Variants in PCDHGB4 observed in about 807,000 individuals in gnomAD.
PCDHGB4 encodes the protein protocadherin gamma subfamily B, 4.
A neutral mutation model predicts 60.5 loss-of-function variants in PCDHGB4; 38 were observed. The ratio of observed to expected loss-of-function variants is 0.63; its 90% CI spans 0.48 to 0.82. The LOEUF (loss-of-function observed/expected upper bound fraction) is 0.82, where lower values mean the gene tolerates loss of function less well. Ranked by LOEUF, PCDHGB4 falls within the 40% of genes least tolerant of loss-of-function variation. PCDHGB4 has a pLI of 0.00. For missense variants in PCDHGB4, 1,109 were observed against 1,209.6 expected (o/e 0.92, Z 1.23); for synonymous variants, 456 against 509.7 (o/e 0.89, Z 1.42).
chr5:141,469,394 G>A lies in PCDHGB4; in HGVS notation c.2398-25413G>A, dbSNP rs550152670. Among the ~76,000 whole-genome samples the A allele has an allele frequency of 2.5e-4, 38 of 152,198 alleles. 1 individual carries two copies. The highest frequency in any genetic ancestry group is 8.4e-4 in the African/African-American group (35 of 41,514). On this transcript the variant is annotated intron_variant, in intron 1 of 3. Coordinates refer to ENST00000519479, the MANE Select transcript of PCDHGB4 (RefSeq NM_003736.4). ...GATCGAGACCATCCTGGCCAACATG[G>A]TGAAACCCCGTTTCTACTAAAAATA...
rs185704620 is a variant in PCDHGB4, at chr5:141,396,920, C to T, written c.2397+6639C>T. Among the ~76,000 whole-genome samples the T allele has an allele frequency of 3.3e-5, 5 of 152,316 alleles. No individual in the cohort carries two copies. In the East Asian group the frequency reaches 7.7e-4, roughly 23 times the overall value. ...TATTGGCACTTTGCAATTTTAAAAACTCGGATGAAAGTTGCCCTGGTAGGA... is the reference window on the plus strand; with the variant it reads ...TATTGGCACTTTGCAATTTTAAAAATTCGGATGAAAGTTGCCCTGGTAGGA... On this transcript the variant is annotated intron_variant, in intron 1 of 3. Transcript: ENST00000519479.
rs765376157 is a variant in PCDHGB4 at position 141,486,033 on chromosome 5, A to G, written c.2398-8774A>G. 4.3e-6 allele frequency: 7 copies of G among 1,614,148 alleles called. No individual in the cohort carries two copies. The highest frequency in any genetic ancestry group is 5.9e-6 in the Non-Finnish European group (7 of 1,180,014). ...TTTTATTTCAGTGGTCATACCCCTG[A>G]TCGTGTAAGAAACCTCTTTAGCCTG... On this transcript the variant is annotated intron_variant, in intron 1 of 3. Transcript: ENST00000519479. This position sits in a 1 kb window ranked among gnomAD's most constrained non-coding sequence, Gnocchi z 5.0.
In PCDHGB4 at chr5:141,490,462, ACCAG is replaced by A; in HGVS notation, c.2398-4338_2398-4335del. On this transcript the variant is annotated intron_variant, in intron 1 of 3. Coordinates refer to ENST00000519479, the MANE Select transcript of PCDHGB4 (RefSeq NM_003736.4). The surrounding 1 kb of genome is among the most constrained non-coding windows in gnomAD (Gnocchi z 5.4). ...TTCTGAGAACCACTACTCGCTGCTA[ACCAG>A]CCAGCCTTTGGACCGGGAGGCCACA... 1 of 1,614,198 alleles carries A rather than the reference ACCAG, an allele frequency of 6.2e-7. No homozygotes were observed.
Position 141,432,806 on chromosome 5 carries a change from A to G in PCDHGB4, c.2397+42525A>G, listed in dbSNP as rs755248654. 12 of 1,614,070 alleles carry G rather than the reference A, an allele frequency of 7.4e-6. No individual in the cohort carries two copies. Among genetic ancestry groups the G allele is most frequent in the Non-Finnish European group, 9.3e-6 (11 of 1,179,972 alleles). On this transcript the variant is annotated intron_variant, in intron 1 of 3. Transcript: ENST00000519479. This position sits in a 1 kb window ranked among gnomAD's most constrained non-coding sequence, Gnocchi z 6.0. ...CCTCGGCAGCCTCGAGTCTCCAGCT[A>G]ACTCTGAAACCTCAGACCTCACTCT...
chr5:141,451,593 C>A (rs2098719809), intron 1 of PCDHGB4, among the ~76,000 whole-genome samples: 1 of 152,042 alleles, frequency 6.6e-6, no homozygotes, highest in African/African-American at 2.4e-5. Context: ...TTGAAAGTGA[C>A]ATACAAGGCT....
At chr5:141,398,287 C>G in intron 1 of PCDHGB4, 1 of 1,396,196 alleles carries the variant, frequency 7.2e-7, no homozygotes, top group Non-Finnish European at 9.8e-7. Flanking sequence ...CGCCACGGAC[C>G]TGGGGTTCAG....
intron 1 of PCDHGB4, chr5:141,413,170 A>T (rs751830095): frequency 6.3e-7 from 1 of 1,595,602 alleles, no homozygotes; most frequent in South Asian, 1.1e-5. Context: ...CTGTAACCAG[A>T]CTACAATGGC....
At chr5:141,433,641 G>C (rs1177387884) in intron 1 of PCDHGB4, among the ~76,000 whole-genome samples, 1 of 152,104 alleles carries the variant, frequency 6.6e-6, no homozygotes, top group Admixed American at 6.5e-5. Flanking sequence ...TTTGAGACCA[G>C]CCTGACCAAC....
At chr5:141,420,252 C>T (rs745697672) in intron 1 of PCDHGB4, 1 of 1,576,604 alleles carries the variant, frequency 6.3e-7, no homozygotes, top group Non-Finnish European at 8.6e-7. Flanking sequence ...AGCGTTGAAG[C>T]AGATAAGAAG....
At chr5:141,397,195 G>T (rs2093485269) in intron 1 of PCDHGB4, among the ~76,000 whole-genome samples, 1 of 152,150 alleles carries the variant, frequency 6.6e-6, no homozygotes, top group Non-Finnish European at 1.5e-5. Context: ...TACTGTAAAA[G>T]ATATGACATA....
chr5:141,443,183 TTCTC>T (rs2098370937), intron 1 of PCDHGB4, among the ~76,000 whole-genome samples: 1 of 152,184 alleles, frequency 6.6e-6, no homozygotes, highest in Non-Finnish European at 1.5e-5. Context: ...CACTGCATCA[TTCTC>T]TATAGTACAA....
At chr5:141,437,393 G>T (rs1034237295) in intron 1 of PCDHGB4, among the ~76,000 whole-genome samples, 3 of 152,180 alleles carry the variant, frequency 2.0e-5, no homozygotes, top group Admixed American at 6.5e-5. Flanking sequence ...TTCATCCACT[G>T]CTTTCATTCC....
chr5:141,490,482 G>A lies in PCDHGB4; in HGVS notation c.2398-4325G>A. On this transcript the variant is annotated intron_variant, in intron 1 of 3. Coordinates refer to ENST00000519479, the MANE Select transcript of PCDHGB4 (RefSeq NM_003736.4). The surrounding 1 kb of genome is among the most constrained non-coding windows in gnomAD (Gnocchi z 5.4). ...TGCTAACCAGCCAGCCTTTGGACCG[G>A]GAGGCCACATCCCACTATATCATCG... 2.5e-6 allele frequency: 4 copies of A among 1,614,154 alleles called. No homozygotes were observed. In the South Asian group the frequency reaches 4.4e-5, roughly 18 times the overall value.
At chr5:141,409,396 C>A in intron 1 of PCDHGB4, 1 of 1,614,004 alleles carries the variant, frequency 6.2e-7, no homozygotes, top group Non-Finnish European at 8.5e-7. Flanking sequence ...ATTCTTCTTC[C>A]AATAACTACT....
intron 1 of PCDHGB4, chr5:141,400,321 G>T (rs190006023): frequency 1.9e-6 from 3 of 1,614,064 alleles, no homozygotes; most frequent in East Asian, 2.2e-5. Context: ...TGTCAAGTCT[G>T]GACCTGTGGT....
In PCDHGB4 at chr5:141,395,514, C is replaced by T. The variant is rs138744897; in HGVS notation, c.2397+5233C>T. 1.1e-3 allele frequency: 455 copies of T among 421,180 alleles called. 7 individuals carry two copies. The highest frequency in any genetic ancestry group is 8.9e-3 in the African/African-American group (432 of 48,430). The allele number at this position is 421,180 out of a possible 1,614,324, so 26.1% of individuals were successfully genotyped here. ...ACTCATTCACTTAAGAAGTAGCTAC[C>T]CGTCCATACTGGTAATTTTGCTATT... On this transcript the variant is annotated intron_variant, in intron 1 of 3. Transcript: ENST00000519479.
rs757663132 is a variant in PCDHGB4 at position 141,510,991 on chromosome 5, A to G, written c.2590A>G (p.Met864Val). ...CACCCTGGGAGGGGGTGCCGGCACC[A>G]TGGGATTGAGCGCCCGCTACGGACC... is the stretch of plus-strand genomic sequence containing the variant. ...SSTLGGGAGT[M>V]GLSARYGPQF... is the part of the protein sequence containing the mutation. Residue 864 changes from methionine (M) to valine (V), a missense_variant, in exon 4 of 4, where the codon ATG becomes GTG. Coordinates refer to ENST00000519479, the MANE Select transcript of PCDHGB4 (RefSeq NM_003736.4). 1.2e-6 allele frequency: 2 copies of G among 1,614,136 alleles called. No individual in the cohort carries two copies. Among genetic ancestry groups the G allele is most frequent in the Admixed American group, 3.3e-5 (2 of 60,022 alleles).
intron 2 of PCDHGB4, among the ~76,000 whole-genome samples, chr5:141,496,557 C>T (rs190275684): frequency 2.0e-5 from 3 of 152,258 alleles, no homozygotes; most frequent in Admixed American, 1.3e-4. Flanking sequence ...TGGGCATGCA[C>T]AGTCCTGTCA....
chr5:141,419,698 G>A, intron 1 of PCDHGB4: 1 of 1,612,978 alleles, frequency 6.2e-7, no homozygotes, highest in Non-Finnish European at 8.5e-7. Context: ...AGGCCAGTGA[G>A]CCCGGGCTCT....
Sources: gnomAD v4.1 joint callset for allele counts (sites outside exome capture counted in the v4.1 genomes callset) on GRCh38, gnomAD v4.1.1 for gene constraint, Gnocchi (gnomAD v3.1) non-coding constraint, MANE v1.5 for transcripts, NCBI Gene and HGNC (gene_info 2026-07-23, HGNC 2026-07-21) for gene names.